The following B3GALT1 variants were observed in gnomAD, a reference collection of about 807,000 sequenced individuals.
The protein encoded by B3GALT1 is UDP-Gal:betaGlcNAc beta 1,3-galactosyltransferase, polypeptide 1.
A neutral mutation model predicts 23.2 loss-of-function variants in B3GALT1; 10 were observed. That is an observed-to-expected ratio of 0.43 (90% CI 0.27 to 0.73). The LOEUF (loss-of-function observed/expected upper bound fraction) is 0.73, where lower values mean the gene tolerates loss of function less well. B3GALT1 is among the 30% of genes least tolerant of loss of function. The pLI is 0.21. For synonymous variants in B3GALT1, 156 were observed against 141.5 expected (o/e 1.10, Z -0.73); for missense variants, 299 against 405.4 (o/e 0.74, Z 2.25).
At position 167,472,326 on chromosome 2, in the gene B3GALT1, T is replaced by A. The variant is rs752745682; in HGVS notation, c.-510-17851T>A. Among the ~76,000 whole-genome samples the A allele has an allele frequency of 5.3e-5, 8 of 152,164 alleles. No individual in the cohort carries two copies. The South Asian group carries it at 1.0e-3, about 20-fold the overall frequency. Reference sequence around the variant, plus strand: ...TATGAATAAAAGTGGAGGTGGGGGCTATTAACAAGAATGGACAGAAATACC... The same window carrying A: ...TATGAATAAAAGTGGAGGTGGGGGCAATTAACAAGAATGGACAGAAATACC... On this transcript the variant is annotated intron_variant, in intron 1 of 4. Coordinates refer to ENST00000392690, the MANE Select transcript of B3GALT1 (RefSeq NM_020981.4).
chr2:167,556,062 A>G (rs903652029), intron 2 of B3GALT1, among the ~76,000 whole-genome samples: 2 of 152,168 alleles, frequency 1.3e-5, no homozygotes, highest in African/African-American at 4.8e-5. Flanking sequence ...ACAAATGCCA[A>G]ATATTACTGA....
intron 1 of B3GALT1, among the ~76,000 whole-genome samples, chr2:167,312,518 G>C (rs1302543256): frequency 6.6e-6 from 1 of 151,692 alleles, no homozygotes; most frequent in East Asian, 1.9e-4. Flanking sequence ...GTCTAAAAGA[G>C]AACAAAAAAA....
At chr2:167,562,864 C>G (rs1292972252) in intron 2 of B3GALT1, among the ~76,000 whole-genome samples, 1 of 151,912 alleles carries the variant, frequency 6.6e-6, no homozygotes, top group Non-Finnish European at 1.5e-5. Flanking sequence ...AAGGAGCATG[C>G]TGCCTTCAAG....
chr2:167,656,359 A>G (rs544542270), intron 3 of B3GALT1, among the ~76,000 whole-genome samples: 56 of 152,182 alleles, frequency 3.7e-4, no homozygotes, highest in Non-Finnish European at 6.0e-4. Flanking sequence ...GAGCAAAAAC[A>G]AGCAAAGTGA....
At chr2:167,522,009 CAT>C (rs1057054643) in intron 2 of B3GALT1, among the ~76,000 whole-genome samples, 6 of 130,296 alleles carry the variant, frequency 4.6e-5, no homozygotes, top group East Asian at 2.5e-4. Context: ...TATATATACA[CAT>C]ATATATATAA....
chr2:167,802,926 A>G (rs1163054375), intron 3 of B3GALT1, among the ~76,000 whole-genome samples: 1 of 151,776 alleles, frequency 6.6e-6, no homozygotes, highest in Non-Finnish European at 1.5e-5. Context: ...GTATTTTTTT[A>G]TCACAAAGGT....
At chr2:167,556,393 A>T (rs570175695) in intron 2 of B3GALT1, among the ~76,000 whole-genome samples, 1 of 152,256 alleles carries the variant, frequency 6.6e-6, no homozygotes, top group East Asian at 1.9e-4. Context: ...TCTATAATGA[A>T]CAATAATGAG....
At chr2:167,566,551 TA>T (rs202083481) in intron 2 of B3GALT1, among the ~76,000 whole-genome samples, 16,151 of 131,212 alleles carry the variant, frequency 0.12, 1,852 homozygotes, top group African/African-American at 0.32. Flanking sequence ...AAATAAACTT[TA>T]AAAAAAAAGA....
At chr2:167,797,140 C>G (rs996561349) in intron 3 of B3GALT1, among the ~76,000 whole-genome samples, 3 of 152,156 alleles carry the variant, frequency 2.0e-5, no homozygotes, top group Non-Finnish European at 2.9e-5. Flanking sequence ...TCCTATCCCC[C>G]AACAGGCCCC....
At chr2:167,502,382 C>A (rs1330559963) in intron 2 of B3GALT1, among the ~76,000 whole-genome samples, 1 of 152,150 alleles carries the variant, frequency 6.6e-6, no homozygotes, top group Non-Finnish European at 1.5e-5. Flanking sequence ...TCTGAAAAAA[C>A]CTGTAGGACC....
In B3GALT1 at chr2:167,316,795, T is replaced by C. The variant is rs1696726843; in HGVS notation, c.-511+23461T>C. On this transcript the variant is annotated intron_variant, in intron 1 of 4. Coordinates refer to ENST00000392690, the MANE Select transcript of B3GALT1 (RefSeq NM_020981.4). ...CTTTATCTTTCTTCTGCATTTCTTA[T>C]GGGTGCTTCCTGAGATCAGCTCCCA... Among the ~76,000 whole-genome samples the C allele has an allele frequency of 2.6e-5, 4 of 152,124 alleles. 1 individual carries two copies.
chr2:167,366,811 T>C (rs1266794455), intron 1 of B3GALT1, among the ~76,000 whole-genome samples: 1 of 152,186 alleles, frequency 6.6e-6, no homozygotes, highest in Non-Finnish European at 1.5e-5. Context: ...GAAGCTTATC[T>C]GGGGCTATCA....
chr2:167,546,357 T>A (rs1157732681), intron 2 of B3GALT1, among the ~76,000 whole-genome samples: 1 of 152,214 alleles, frequency 6.6e-6, no homozygotes, highest in African/African-American at 2.4e-5. Flanking sequence ...ATGTGGCTGA[T>A]CTTTAGTCTC....
intron 2 of B3GALT1, among the ~76,000 whole-genome samples, chr2:167,613,873 C>T (rs1342592097): frequency 2.0e-5 from 3 of 151,784 alleles, no homozygotes; most frequent in Admixed American, 2.0e-4. Flanking sequence ...CAAGCATCCA[C>T]TTCCAATACA....
At chr2:167,518,984 G>A (rs1412497221) in intron 2 of B3GALT1, among the ~76,000 whole-genome samples, 1 of 152,148 alleles carries the variant, frequency 6.6e-6, no homozygotes, top group African/African-American at 2.4e-5. Context: ...ATCCCCAATG[G>A]AATTCTTATG....
intron 2 of B3GALT1, among the ~76,000 whole-genome samples, chr2:167,637,871 C>T (rs1364869483): frequency 6.6e-6 from 1 of 151,332 alleles, no homozygotes; most frequent in East Asian, 2.0e-4. Context: ...CCACTATTGA[C>T]TCATTCCTTG....
At chr2:167,647,625 G>A (rs1252012891) in intron 3 of B3GALT1, among the ~76,000 whole-genome samples, 1 of 152,080 alleles carries the variant, frequency 6.6e-6, no homozygotes, top group African/African-American at 2.4e-5. Flanking sequence ...TTCCTGTTCT[G>A]AATGTCTTCC....
Position 167,442,504 on chromosome 2 carries a change from A to T in B3GALT1, c.-510-47673A>T, listed in dbSNP as rs1407102808. The stretch of plus-strand genomic sequence containing the variant: ...GTTTACAGTCCCACCAACAGTGTAA[A>T]AGTGTTCCTGTTTCTCCACATCCTC... On this transcript the variant is annotated intron_variant, in intron 1 of 4. Coordinates refer to ENST00000392690, the MANE Select transcript of B3GALT1 (RefSeq NM_020981.4). 4.6e-5 allele frequency among the ~76,000 whole-genome samples: 7 copies of T among 151,616 alleles called. No individual in the cohort carries two copies. In the East Asian group the frequency reaches 1.2e-3, roughly 25 times the overall value.
intron 3 of B3GALT1, among the ~76,000 whole-genome samples, chr2:167,811,266 G>C (rs1015115276): frequency 2.6e-5 from 4 of 152,138 alleles, no homozygotes; most frequent in African/African-American, 9.7e-5. Flanking sequence ...TCCAATCAAA[G>C]GACTTGTGTT....
Sources: gnomAD v4.1 joint callset for allele counts (sites outside exome capture counted in the v4.1 genomes callset) on GRCh38, gnomAD v4.1.1 for gene constraint, MANE v1.5 for transcripts, NCBI Gene and HGNC (gene_info 2026-07-23, HGNC 2026-07-21) for gene names.